Variants in SPSB4 observed in about 807,000 individuals in gnomAD.
The protein encoded by SPSB4 is splA/ryanodine receptor domain and SOCS box containing 4, also known as SPRY domain-containing SOCS box protein 4.
SPSB4 carries 21 observed loss-of-function variants against 20.9 expected under a neutral mutation model. The observed-to-expected ratio is 1.01, with a 90% CI of 0.71 to 1.45. SPSB4 has a LOEUF of 1.45. Among genes scored for constraint, SPSB4 ranks in the 40% most tolerant of loss-of-function variants. SPSB4 has a pLI of 0.00. For missense variants in SPSB4, 399 were observed against 399.2 expected, an observed-to-expected ratio of 1.00 and a Z score of 0.00; for synonymous variants, 207 against 183.8, an observed-to-expected ratio of 1.13 and a Z score of -1.02.
chr3:141,066,022 C>A lies in SPSB4; in HGVS notation c.-83C>A. ...CCGTCCGGAAGCCTGGTTCCCAGCC[C>A]CGTGGCCCATTCCTGGCTACGGGGA... On this transcript the variant is annotated 5_prime_UTR_variant, in exon 2 of 3. Coordinates refer to ENST00000310546, the MANE Select transcript of SPSB4 (RefSeq NM_080862.3). 7.9e-7 allele frequency: 1 copy of A among 1,268,668 alleles called. No individual in the cohort carries two copies. Among genetic ancestry groups the A allele is most frequent in the Non-Finnish European group, 1.0e-6 (1 of 963,876 alleles). 78.6% of individuals were successfully genotyped at this position (1,268,668 alleles called of 1,614,324 possible). A position where few individuals can be genotyped will look rare whatever the true frequency, so the allele number is the denominator to read the frequency against.
At chr3:141,091,937 C>A (rs1938457241) in intron 2 of SPSB4, among the ~76,000 whole-genome samples, 1 of 152,200 alleles carries the variant, frequency 6.6e-6, no homozygotes, top group South Asian at 2.1e-4. Flanking sequence ...CCTACCAGCT[C>A]CCTTCAGCAA....
At chr3:141,073,059 A>G (rs1440897569) in intron 2 of SPSB4, among the ~76,000 whole-genome samples, 1 of 152,208 alleles carries the variant, frequency 6.6e-6, no homozygotes, top group East Asian at 1.9e-4. Flanking sequence ...TTGGACATTT[A>G]GGCAGTTTCC....
intron 1 of SPSB4, among the ~76,000 whole-genome samples, chr3:141,061,828 T>C (rs1359899524): frequency 6.6e-6 from 1 of 151,146 alleles, no homozygotes; most frequent in East Asian, 1.9e-4. Context: ...CTCCACCTCC[T>C]GGGTTAAAGC....
chr3:141,053,682 CAT>C (rs1209514933), intron 1 of SPSB4, among the ~76,000 whole-genome samples: 1 of 152,070 alleles, frequency 6.6e-6, no homozygotes, highest in African/African-American at 2.4e-5. Context: ...GATACCAAAA[CAT>C]ATGACAAGAT....
chr3:141,119,967 T>C (rs1478040408), intron 2 of SPSB4, among the ~76,000 whole-genome samples: 1 of 152,184 alleles, frequency 6.6e-6, no homozygotes, highest in African/African-American at 2.4e-5. Flanking sequence ...CTTTTGAATT[T>C]GGTTGCTCTT....
chr3:141,115,956 A>G (rs922639200), intron 2 of SPSB4, among the ~76,000 whole-genome samples: 5 of 152,178 alleles, frequency 3.3e-5, no homozygotes, highest in African/African-American at 9.7e-5. Flanking sequence ...AGCTTCCACC[A>G]TCCTCCTCTG....
intron 1 of SPSB4, among the ~76,000 whole-genome samples, chr3:141,056,608 T>C (rs535230111): frequency 1.2e-4 from 19 of 152,368 alleles, no homozygotes; most frequent in African/African-American, 4.3e-4. Context: ...GTGGAGAAGG[T>C]TCATCTTGGG....
chr3:141,145,030 G>A (rs966718603), intron 2 of SPSB4, among the ~76,000 whole-genome samples: 1 of 152,120 alleles, frequency 6.6e-6, no homozygotes, highest in Non-Finnish European at 1.5e-5. Context: ...CCTAGGCACA[G>A]TGATTGGGTG....
intron 1 of SPSB4, among the ~76,000 whole-genome samples, chr3:141,055,523 T>G (rs1429590952): frequency 6.6e-6 from 1 of 152,034 alleles, no homozygotes; most frequent in Non-Finnish European, 1.5e-5. Context: ...GATTGGTGGG[T>G]GTCTTGGTCC....
intron 1 of SPSB4, among the ~76,000 whole-genome samples, chr3:141,053,484 T>C (rs1198413092): frequency 6.6e-6 from 1 of 152,036 alleles, no homozygotes; most frequent in Admixed American, 6.6e-5. Context: ...GATATAAAAA[T>C]AAAATCTGCA....
In SPSB4 at chr3:141,117,307, C is replaced by G. The variant is rs575881371; in HGVS notation, c.695-29835C>G. On this transcript the variant is annotated intron_variant, in intron 2 of 2. Coordinates refer to ENST00000310546, the MANE Select transcript of SPSB4 (RefSeq NM_080862.3). ...TGCCCTGTAAAGCCAGAACCTGACT[C>G]TAGGTCTTCTAAGTCCAGGCCTGGG... Among the ~76,000 whole-genome samples the G allele has an allele frequency of 1.2e-4, 19 of 152,280 alleles. No homozygotes were observed. In the East Asian group the frequency reaches 1.9e-3, roughly 15 times the overall value.
Position 141,142,191 on chromosome 3 carries a change from T to A in SPSB4, c.695-4951T>A, listed in dbSNP as rs149714546. Reference sequence around the variant, plus strand: ...TGTAAGCATTTAATGCTATGAACTTTCCTCTTAGCACTGCTTTGACTGTAT... The same window carrying A: ...TGTAAGCATTTAATGCTATGAACTTACCTCTTAGCACTGCTTTGACTGTAT... On this transcript the variant is annotated intron_variant, in intron 2 of 2. Coordinates refer to ENST00000310546, the MANE Select transcript of SPSB4 (RefSeq NM_080862.3). Among the ~76,000 whole-genome samples, 597 of 152,378 alleles carry A rather than the reference T, an allele frequency of 3.9e-3. 5 individuals are homozygous for A. The highest frequency in any genetic ancestry group is 5.1e-3 in the Admixed American group (78 of 15,306).
intron 2 of SPSB4, among the ~76,000 whole-genome samples, chr3:141,136,060 T>C (rs554314359): frequency 6.6e-6 from 1 of 152,284 alleles, no homozygotes; most frequent in African/African-American, 2.4e-5. Flanking sequence ...TGGTATCTCA[T>C]TGTGGTTTTG....
rs183097303 is a variant in SPSB4 at position 141,085,513 on chromosome 3, G to C, written c.694+18715G>C. On this transcript the variant is annotated intron_variant, in intron 2 of 2. Transcript: ENST00000310546. ...CCACATTCCAGGCAGCAGAATGGAA[G>C]AGCTAAAGGAGGGCACGTGACTCAT... is the stretch of plus-strand genomic sequence containing the variant. Among the ~76,000 whole-genome samples, 206 of 152,342 alleles carry C rather than the reference G, an allele frequency of 1.4e-3. 1 individual carries two copies. In the Middle Eastern group the frequency reaches 0.017, roughly 13 times the overall value.
At chr3:141,107,334 A>C (rs1938713581) in intron 2 of SPSB4, among the ~76,000 whole-genome samples, 1 of 152,234 alleles carries the variant, frequency 6.6e-6, no homozygotes, top group Non-Finnish European at 1.5e-5. Context: ...CTTAATGGTA[A>C]TGTCGCTTCA....
At chr3:141,118,302 G>A (rs925051840) in intron 2 of SPSB4, among the ~76,000 whole-genome samples, 5 of 152,190 alleles carry the variant, frequency 3.3e-5, no homozygotes, top group Admixed American at 6.5e-5. Flanking sequence ...CTTTGGAGAA[G>A]TGTCTCTTTA....
intron 2 of SPSB4, chr3:141,080,408 G>C (rs532014194): frequency 1.3e-5 from 2 of 152,248 alleles, no homozygotes; most frequent in Non-Finnish European, 2.9e-5. Flanking sequence ...CGTGAGCTTT[G>C]GTAAGTCTCA....
chr3:141,067,820 C>T (rs1186932991), intron 2 of SPSB4, among the ~76,000 whole-genome samples: 1 of 152,198 alleles, frequency 6.6e-6, no homozygotes, highest in Non-Finnish European at 1.5e-5. Flanking sequence ...CTGCCACACC[C>T]CAATGAAGCT....
chr3:141,066,043 G>C lies in SPSB4; in HGVS notation c.-62G>C, dbSNP rs1179966048. 1.0e-5 allele frequency: 14 copies of C among 1,387,710 alleles called. No homozygotes were observed. Among genetic ancestry groups the C allele is most frequent in the Non-Finnish European group, 1.3e-5 (14 of 1,064,024 alleles). 86.0% of individuals were successfully genotyped at this position (1,387,710 alleles called of 1,614,324 possible). The stretch of plus-strand genomic sequence containing the variant: ...AGCCCCGTGGCCCATTCCTGGCTAC[G>C]GGGAGTGGAGGCTCCCACGAGGTAG... On this transcript the variant is annotated 5_prime_UTR_variant, in exon 2 of 3. Coordinates refer to ENST00000310546, the MANE Select transcript of SPSB4 (RefSeq NM_080862.3).
Sources: allele counts gnomAD v4.1 joint callset (sites outside exome capture counted in the v4.1 genomes callset), GRCh38; gene constraint gnomAD v4.1.1; transcripts MANE v1.5; gene names NCBI Gene and HGNC (gene_info 2026-07-23, HGNC 2026-07-21).